Variants in OR3A2 observed in about 807,000 individuals in gnomAD.
OR3A2 encodes olfactory receptor 3A2.
For missense variants in OR3A2, 318 were observed against 392.8 expected, an observed-to-expected ratio of 0.81 and a Z score of 1.61; for synonymous variants, 126 against 159.3, an observed-to-expected ratio of 0.79 and a Z score of 1.57.
chr17:3,337,751 T>G (rs1268133756), intron 2 of OR3A2, among the ~76,000 whole-genome samples: 2 of 152,196 alleles, frequency 1.3e-5, no homozygotes, highest in Non-Finnish European at 2.9e-5. Context: ...GCATGTGTCT[T>G]TATAGCAGCA....
chr17:3,375,404 G>C (rs1004398002), intron 2 of OR3A2, among the ~76,000 whole-genome samples: 2 of 150,092 alleles, frequency 1.3e-5, no homozygotes, highest in African/African-American at 2.5e-5. Context: ...CTGGGTTCAA[G>C]TGATTCTCCT....
At chr17:3,364,874 T>C (rs1567568993) in intron 2 of OR3A2, among the ~76,000 whole-genome samples, 1 of 151,732 alleles carries the variant, frequency 6.6e-6, no homozygotes, top group African/African-American at 2.4e-5. Flanking sequence ...TATATGTGCA[T>C]TTTAAATACT....
intron 2 of OR3A2, among the ~76,000 whole-genome samples, chr17:3,360,175 T>C (rs1296918376): frequency 1.3e-5 from 2 of 151,900 alleles, no homozygotes; most frequent in African/African-American, 2.4e-5. Flanking sequence ...TGGCCAGTGA[T>C]GATGAACATT....
chr17:3,371,818 G>A (rs1459229283), intron 2 of OR3A2, among the ~76,000 whole-genome samples: 19 of 135,658 alleles, frequency 1.4e-4, no homozygotes, highest in African/African-American at 3.8e-4. Flanking sequence ...CTGGCCGGGC[G>A]GGGGGCTGAC....
intron 3 of OR3A2, among the ~76,000 whole-genome samples, chr17:3,298,720 C>T (rs2048940264): frequency 1.3e-5 from 2 of 152,184 alleles, no homozygotes; most frequent in Admixed American, 6.5e-5. Flanking sequence ...AGAGTCCTCA[C>T]CTCGTTGTGG....
At chr17:3,284,637 T>G (rs2048796545), upstream of OR3A2, 1 of 147,536 alleles carries the variant, frequency 6.8e-6, no homozygotes, top group African/African-American at 2.6e-5. Context: ...CCTCACCCCT[T>G]CTGGTATTTA....
At chr17:3,358,811 T>G (rs1370325792) in intron 2 of OR3A2, among the ~76,000 whole-genome samples, 1 of 151,738 alleles carries the variant, frequency 6.6e-6, no homozygotes, top group African/African-American at 2.4e-5. Context: ...GTTCCAGTGT[T>G]GAGTTTAGGT....
intron 3 of OR3A2, chr17:3,310,667 C>T (rs781123061): frequency 1.1e-5 from 6 of 543,116 alleles, no homozygotes; most frequent in Non-Finnish European, 2.3e-5. Flanking sequence ...TCTTGCTGAC[C>T]ATCATGGCCT....
chr17:3,292,551 A>G (rs747907772), intron 3 of OR3A2: 3 of 1,612,434 alleles, frequency 1.9e-6, no homozygotes, highest in East Asian at 4.5e-5. Context: ...CTCAGCAATG[A>G]CTGTTCCATT....
downstream of OR3A2, among the ~76,000 whole-genome samples, chr17:3,276,403 A>G (rs117507252): frequency 4.8e-3 from 734 of 152,318 alleles, 6 homozygotes; most frequent in Non-Finnish European, 7.3e-3. Context: ...AAACACAACA[A>G]TTGTCAGAGG....
chr17:3,368,013 A>G (rs938722665), intron 2 of OR3A2, among the ~76,000 whole-genome samples: 2 of 151,830 alleles, frequency 1.3e-5, no homozygotes, highest in African/African-American at 2.4e-5. Context: ...ATTTTTTCCT[A>G]TGTTTGCTGA....
At chr17:3,347,108 C>A (rs1049674539) in intron 2 of OR3A2, among the ~76,000 whole-genome samples, 20 of 152,142 alleles carry the variant, frequency 1.3e-4, no homozygotes, top group African/African-American at 4.6e-4. Flanking sequence ...TATTGAGGAA[C>A]CTCCAAGCTG....
At chr17:3,322,166 G>C (rs1273279565) in intron 3 of OR3A2, among the ~76,000 whole-genome samples, 1 of 152,122 alleles carries the variant, frequency 6.6e-6, no homozygotes, top group Non-Finnish European at 1.5e-5. Context: ...GCGTAGAGGT[G>C]TTTATAGTAT....
intron 2 of OR3A2, among the ~76,000 whole-genome samples, chr17:3,363,302 T>C (rs1362971849): frequency 6.6e-6 from 1 of 151,848 alleles, no homozygotes; most frequent in Non-Finnish European, 1.5e-5. Flanking sequence ...CTTGAATGCT[T>C]TGCTGCTTTG....
intron 2 of OR3A2, among the ~76,000 whole-genome samples, chr17:3,361,428 C>T (rs2049514892): frequency 6.6e-6 from 1 of 151,612 alleles, no homozygotes; most frequent in Non-Finnish European, 1.5e-5. Flanking sequence ...CCTGATTGCC[C>T]TGGCCAGAAC....
chr17:3,332,253 G>T (rs1012855933), intron 3 of OR3A2, among the ~76,000 whole-genome samples: 1 of 151,938 alleles, frequency 6.6e-6, no homozygotes, highest in African/African-American at 2.4e-5. Context: ...TTCGAGCTTC[G>T]CGGCTGCTTT....
intron 3 of OR3A2, among the ~76,000 whole-genome samples, chr17:3,331,900 A>G (rs1234874641): frequency 6.6e-6 from 1 of 150,920 alleles, no homozygotes; most frequent in African/African-American, 2.5e-5. Context: ...TTTGGTGTGG[A>G]TGTCCTTTCT....
chr17:3,346,640 T>C (rs1307538432), intron 2 of OR3A2, among the ~76,000 whole-genome samples: 1 of 151,996 alleles, frequency 6.6e-6, no homozygotes, highest in African/African-American at 2.4e-5. Flanking sequence ...ATTCACTCTT[T>C]CCATGGTTTT....
chr17:3,340,185 C>G (rs2049305780), intron 2 of OR3A2, among the ~76,000 whole-genome samples: 1 of 152,122 alleles, frequency 6.6e-6, no homozygotes, highest in African/African-American at 2.4e-5. Flanking sequence ...TGCTAGCGGT[C>G]TATCAATTTT....
Sources: allele counts gnomAD v4.1 joint callset (sites outside exome capture counted in the v4.1 genomes callset), GRCh38; gene constraint gnomAD v4.1.1; transcripts MANE v1.5; gene names NCBI Gene and HGNC (gene_info 2026-07-23, HGNC 2026-07-21).